The following URI1 variants were observed in gnomAD, a reference collection of about 807,000 sequenced individuals.
The protein encoded by URI1 is unconventional prefoldin RPB5 interactor 1.
In URI1, 39 loss-of-function variants were observed where a neutral mutation model predicts 60.2. The ratio of observed to expected loss-of-function variants is 0.65; its 90% confidence interval spans 0.50 to 0.85. URI1 has a LOEUF of 0.85. Among genes scored for constraint, URI1 ranks in the 40% least tolerant of loss-of-function variants. The pLI is 0.00. For synonymous variants in URI1, 251 were observed against 236.8 expected (o/e 1.06, Z -0.55); for missense variants, 691 against 665.9 (o/e 1.04, Z -0.42).
intron 10 of URI1, chr19:30,012,779 TG>T: frequency 2.7e-6 from 1 of 365,132 alleles, no homozygotes; most frequent in Non-Finnish European, 4.8e-6. Context: ...ATGTCTTACT[TG>T]GCATTATGTA....
chr19:29,927,149 G>A (rs2054875439), intron 1 of URI1, among the ~76,000 whole-genome samples: 2 of 152,150 alleles, frequency 1.3e-5, no homozygotes, highest in South Asian at 4.1e-4. Context: ...AGTGTAGACA[G>A]GAGAATGGAT....
At chr19:29,993,168 T>TG (rs1247831195) in intron 4 of URI1, among the ~76,000 whole-genome samples, 39 of 152,266 alleles carry the variant, frequency 2.6e-4, no homozygotes, top group Admixed American at 7.2e-4. Flanking sequence ...CATGAAGGGA[T>TG]AAGAGCATGA....
At chr19:29,967,622 C>T (rs555973173) in intron 1 of URI1, among the ~76,000 whole-genome samples, 71 of 152,276 alleles carry the variant, frequency 4.7e-4, no homozygotes, top group African/African-American at 1.7e-3. Flanking sequence ...GAGGAACTAA[C>T]TAGTGGAGGA....
chr19:30,008,794 T>C (rs917979808), intron 7 of URI1, among the ~76,000 whole-genome samples: 2 of 152,202 alleles, frequency 1.3e-5, no homozygotes, highest in South Asian at 2.1e-4. Flanking sequence ...ATTCTACTTA[T>C]GTCTGAATAA....
intron 1 of URI1, chr19:29,957,103 G>A: frequency 4.3e-6 from 2 of 466,354 alleles, no homozygotes; most frequent in Non-Finnish European, 7.7e-6. Flanking sequence ...TTTATCAGCA[G>A]GAAAACCGTA....
chr19:30,014,798 A>C, intron 10 of URI1, 89 bp from the exon 11 acceptor site: 1 of 1,315,532 alleles, frequency 7.6e-7, no homozygotes, highest in South Asian at 1.5e-5. Flanking sequence ...TTTACTTTTA[A>C]TGAAAAGAAT....
chr19:29,957,294 G>A (rs959180226), intron 1 of URI1, among the ~76,000 whole-genome samples: 2 of 151,536 alleles, frequency 1.3e-5, no homozygotes, highest in Non-Finnish European at 2.9e-5. Flanking sequence ...CTTTATAGCC[G>A]CTTTTGTTTT....
upstream of URI1, among the ~76,000 whole-genome samples, chr19:29,941,964 G>A (rs978268086): frequency 1.3e-5 from 2 of 151,658 alleles, no homozygotes; most frequent in African/African-American, 4.8e-5. Context: ...CCTGGGCGTG[G>A]AGCTTCTATA....
intron 10 of URI1, among the ~76,000 whole-genome samples, chr19:30,014,638 A>T (rs2056062714): frequency 6.6e-6 from 1 of 152,146 alleles, no homozygotes; most frequent in Non-Finnish European, 1.5e-5. Context: ...TTTTTCCCAG[A>T]TAAAATTTAC....
At chr19:29,949,056 C>A (rs1357614879) in intron 1 of URI1, among the ~76,000 whole-genome samples, 1 of 141,714 alleles carries the variant, frequency 7.1e-6, no homozygotes, top group African/African-American at 2.6e-5. Context: ...GCGGGGGCTG[C>A]CCCCCGCCTC....
chr19:29,988,475 C>T (rs1462626607), intron 4 of URI1, among the ~76,000 whole-genome samples: 1 of 152,196 alleles, frequency 6.6e-6, no homozygotes, highest in East Asian at 1.9e-4. Flanking sequence ...ACCTCCCTCA[C>T]ACTGCCCCTT....
chr19:29,971,329 C>T (rs2055457315), intron 2 of URI1, 102 bp downstream of exon 2: 1 of 1,152,694 alleles, frequency 8.7e-7, no homozygotes, highest in Non-Finnish European at 1.3e-6. Flanking sequence ...GTATGTATGA[C>T]TAGTAATTGA....
chr19:29,977,218 T>A (rs904989155), intron 2 of URI1, among the ~76,000 whole-genome samples: 3 of 152,038 alleles, frequency 2.0e-5, no homozygotes, highest in African/African-American at 7.2e-5. Flanking sequence ...TGTATATCTG[T>A]CTATATGTCT....
At chr19:29,959,769 G>T (rs527678858) in intron 1 of URI1, among the ~76,000 whole-genome samples, 1 of 149,212 alleles carries the variant, frequency 6.7e-6, no homozygotes, top group South Asian at 2.1e-4. Context: ...CTTCTTAAGG[G>T]TTTATCAATT....
chr19:29,980,612 TAAAAAAAAAAAA>T (rs71333427), intron 2 of URI1, among the ~76,000 whole-genome samples: 1 of 73,860 alleles, frequency 1.4e-5, no homozygotes, highest in African/African-American at 5.8e-5. Flanking sequence ...TTTTTTTTCT[TAAAAAAAAAAAA>T]AAAAAAAAAA....
At chr19:29,948,960 C>T (rs1599663398) in intron 1 of URI1, among the ~76,000 whole-genome samples, 7 of 149,792 alleles carry the variant, frequency 4.7e-5, no homozygotes, top group Admixed American at 3.3e-4. Flanking sequence ...CGCGGCCGGG[C>T]GGAGGCGCCC....
rs539268706 is a variant in URI1, at chr19:29,931,232, G to C, written c.63+7478G>C. ...GGCTTTGGAGAACATTGTTGTATTA[G>C]TCTGCTTGAACTGCTATAACAAAAT... On this transcript the variant is annotated intron_variant, in intron 1 of 10. Transcript: ENST00000360605. Among the ~76,000 whole-genome samples the C allele has an allele frequency of 2.8e-3, 424 of 152,230 alleles. 1 individual carries two copies. Among genetic ancestry groups the C allele is most frequent in the African/African-American group, 9.6e-3 (397 of 41,546 alleles).
chr19:29,924,530 A>C (rs1316582953), intron 1 of URI1, among the ~76,000 whole-genome samples: 1 of 152,088 alleles, frequency 6.6e-6, no homozygotes, highest in East Asian at 1.9e-4. Flanking sequence ...CTTTCTGAGG[A>C]ATTCCCTCCC....
At chr19:30,002,291 A>T (rs909281686) in intron 4 of URI1, among the ~76,000 whole-genome samples, 1 of 152,044 alleles carries the variant, frequency 6.6e-6, no homozygotes, top group African/African-American at 2.4e-5. Flanking sequence ...ATTTGGTCTT[A>T]CTTAGTGAGT....
Sources: allele counts gnomAD v4.1 joint callset (sites outside exome capture counted in the v4.1 genomes callset), GRCh38; gene constraint gnomAD v4.1.1; transcripts MANE v1.5; gene names NCBI Gene and HGNC (gene_info 2026-07-23, HGNC 2026-07-21).